CFAP263: variants seen among roughly 807,000 people sequenced by gnomAD.
The protein encoded by CFAP263 is cilia and flagella associated protein 263, also known as cilia- and flagella-associated protein 263.
At chr16:58,257,577 G>T in the CFAP263 span, among the ~76,000 whole-genome samples, 2 of 151,450 alleles carry the variant, frequency 1.3e-5, no homozygotes, top group Non-Finnish European at 2.9e-5. Context: ...GGGACTACAG[G>T]CACCATACCT....
the CFAP263 span, among the ~76,000 whole-genome samples, chr16:58,251,075 T>C: frequency 2.6e-5 from 4 of 152,364 alleles, no homozygotes; most frequent in African/African-American, 9.6e-5. Context: ...ATGTTACTTC[T>C]ATACATCTAC....
At chr16:58,275,340 C>T in the CFAP263 span, among the ~76,000 whole-genome samples, 1 of 151,954 alleles carries the variant, frequency 6.6e-6, no homozygotes, top group Non-Finnish European at 1.5e-5. Flanking sequence ...AAAGACAATA[C>T]CATATTGGGA....
chr16:58,265,797 T>G, the CFAP263 span, among the ~76,000 whole-genome samples: 1 of 152,240 alleles, frequency 6.6e-6, no homozygotes, highest in Non-Finnish European at 1.5e-5. Flanking sequence ...GACCCACATC[T>G]TGACTCAGCA....
At chr16:58,278,453 CT>C in the CFAP263 span, 173,567 of 1,608,534 alleles carry the variant, frequency 0.11, 9,846 homozygotes, top group Admixed American at 0.13. Context: ...CTGGGGTTCC[CT>C]GGGTGTAACT....
chr16:58,274,791 A>G, the CFAP263 span, among the ~76,000 whole-genome samples: 2 of 152,180 alleles, frequency 1.3e-5, no homozygotes, highest in East Asian at 3.8e-4. Context: ...CAGACAAAAC[A>G]CAGCCTCTCT....
chr16:58,265,834 C>T, the CFAP263 span, among the ~76,000 whole-genome samples: 3 of 152,204 alleles, frequency 2.0e-5, no homozygotes, highest in South Asian at 2.1e-4. Flanking sequence ...CATCAGCCTT[C>T]GTGGATACCT....
chr16:58,260,953 G>T, the CFAP263 span, among the ~76,000 whole-genome samples: 6 of 152,258 alleles, frequency 3.9e-5, no homozygotes, highest in South Asian at 1.2e-3. Flanking sequence ...CAGCTCAGGT[G>T]GTGGTGATGC....
chr16:58,253,849 T>A, the CFAP263 span: 1 of 760,354 alleles, frequency 1.3e-6, no homozygotes, highest in Non-Finnish European at 2.2e-6. Context: ...TCAGGCCTAA[T>A]ATCCAGCATC....
At chr16:58,249,994 A>T in the CFAP263 span, 2 of 1,527,552 alleles carry the variant, frequency 1.3e-6, no homozygotes, top group Non-Finnish European at 1.8e-6. Context: ...CGGCATTGGC[A>T]GGGGCCGCTT....
chr16:58,254,635 C>T, the CFAP263 span, among the ~76,000 whole-genome samples: 4 of 149,406 alleles, frequency 2.7e-5, no homozygotes, highest in African/African-American at 7.4e-5. Flanking sequence ...GGTGGAGTCT[C>T]GCTCTGTTAC....
At chr16:58,254,025 C>T in the CFAP263 span, 148 of 1,614,216 alleles carry the variant, frequency 9.2e-5, no homozygotes, top group African/African-American at 8.9e-4. Context: ...ATCCAAATCC[C>T]GGACAGGTAT....
chr16:58,255,021 A>T, the CFAP263 span, among the ~76,000 whole-genome samples: 1 of 152,114 alleles, frequency 6.6e-6, no homozygotes, highest in Non-Finnish European at 1.5e-5. Flanking sequence ...AATTAGGGAG[A>T]ATTGGCTCAC....
chr16:58,271,099 T>G, the CFAP263 span, among the ~76,000 whole-genome samples: 3 of 152,142 alleles, frequency 2.0e-5, no homozygotes, highest in Non-Finnish European at 4.4e-5. Flanking sequence ...TATTATACAG[T>G]TAATTTTATT....
chr16:58,279,159 G>A, the CFAP263 span, among the ~76,000 whole-genome samples: 4 of 152,152 alleles, frequency 2.6e-5, no homozygotes, highest in East Asian at 7.7e-4. Context: ...ATGGGCAATG[G>A]GAAACCATAT....
At chr16:58,256,337 A>G in the CFAP263 span, among the ~76,000 whole-genome samples, 3 of 152,204 alleles carry the variant, frequency 2.0e-5, no homozygotes, top group Non-Finnish European at 4.4e-5. Context: ...AGAGATCAGT[A>G]TGGGCTAGAG....
At chr16:58,266,296 A>G in the CFAP263 span, among the ~76,000 whole-genome samples, 1 of 143,776 alleles carries the variant, frequency 7.0e-6, no homozygotes, top group Non-Finnish European at 1.5e-5. Flanking sequence ...TCCTCTCTTC[A>G]GTTCTTTCCT....
chr16:58,250,764 C>CAAAAA, the CFAP263 span, among the ~76,000 whole-genome samples: 20 of 101,862 alleles, frequency 2.0e-4, no homozygotes, highest in Middle Eastern at 4.7e-3. Context: ...GACTAAGTCT[C>CAAAAA]AAAAAAAAAA....
the CFAP263 span, among the ~76,000 whole-genome samples, chr16:58,275,424 A>G: frequency 1.6e-5 from 2 of 121,328 alleles, no homozygotes; most frequent in African/African-American, 5.8e-5. Flanking sequence ...TAAAATACCA[A>G]GGAAGGTTTT....
chr16:58,266,397 ATATATATATTTTTTTTTTT>A, the CFAP263 span, among the ~76,000 whole-genome samples: 10 of 43,410 alleles, frequency 2.3e-4, no homozygotes, highest in South Asian at 8.8e-4. Context: ...ATATATATAT[ATATATATATTTTTTTTTTT>A]TTTTTTTTTT....
Sources: gnomAD v4.1 joint callset for allele counts (sites outside exome capture counted in the v4.1 genomes callset) on GRCh38, gnomAD v4.1.1 for gene constraint, MANE v1.5 for transcripts, NCBI Gene and HGNC (gene_info 2026-07-23, HGNC 2026-07-21) for gene names.